Variants in PLEC observed in about 807,000 individuals in gnomAD.
PLEC encodes plectin.
Under a neutral mutation model 392.8 loss-of-function variants are expected in PLEC, and 216 were observed. The ratio of observed to expected loss-of-function variants is 0.55; its 90% CI spans 0.49 to 0.62. The LOEUF (loss-of-function observed/expected upper bound fraction) is 0.62, where lower values mean the gene tolerates loss of function less well. PLEC is among the 20% of genes least tolerant of loss of function. The pLI is 0.00. For synonymous variants in PLEC, 3,621 were observed against 2,980.6 expected (o/e 1.21, Z -7.00); for missense variants, 6,863 against 6,563.4 (o/e 1.05, Z -1.58).
In PLEC at chr8:143,916,990, C is replaced by T. The variant is rs782331003; in HGVS notation, c.12831G>A (p.Thr4277=). The T allele has an allele frequency of 2.5e-5, 41 of 1,612,842 alleles. No individual in the cohort carries two copies. The highest frequency in any genetic ancestry group is 1.5e-4 in the South Asian group (14 of 91,080). The change falls in exon 32 of 32, where the codon ACG becomes ACA. Residue 4277 remains threonine, a synonymous_variant. Coordinates refer to ENST00000345136, the MANE Select transcript of PLEC (RefSeq NM_201384.3). ...LASWSDPTEE[T]GPVAGILDTE... is the part of the protein sequence containing the mutation. Reference sequence around the variant, plus strand: ...TGTCCAGGATGCCAGCCACGGGGCCCGTCTCCTCAGTGGGGTCTGACCAGG... The same window carrying T: ...TGTCCAGGATGCCAGCCACGGGGCCTGTCTCCTCAGTGGGGTCTGACCAGG...
upstream of PLEC, chr8:143,942,500 C>T (rs782263693): frequency 2.1e-5 from 33 of 1,581,048 alleles, no homozygotes; most frequent in South Asian, 3.2e-4. Context: ...GCAAAGGCGC[C>T]CCCCGCCCCC....
At chr8:143,958,385 C>T (rs782570314), upstream of PLEC, among the ~76,000 whole-genome samples, 15 of 152,198 alleles carry the variant, frequency 9.9e-5, no homozygotes, top group Admixed American at 2.0e-4. The surrounding 1 kb of genome is among the most constrained non-coding windows in gnomAD (Gnocchi z 4.9). Flanking sequence ...CCCTGCAGCC[C>T]AGTACAAGAG....
intron 1 of PLEC, among the ~76,000 whole-genome samples, chr8:143,946,038 C>T (rs1175533345): frequency 6.6e-6 from 1 of 152,268 alleles, no homozygotes; most frequent in African/African-American, 2.4e-5. Context: ...AGCCCACTCC[C>T]TGCCACGTGC....
chr8:143,919,069 G>A lies in PLEC; in HGVS notation c.10752C>T (p.Thr3584=). 1.2e-6 allele frequency: 2 copies of A among 1,611,388 alleles called. No individual in the cohort carries two copies. Among genetic ancestry groups the A allele is most frequent in the South Asian group, 2.2e-5 (2 of 91,088 alleles). ...IPGGGSHGGS[T]MSLWEVMQSD... ...ACTGCATCACCTCCCACAGGGACAT[G>A]GTGGAGCCGCCGTGGCTGCCGCCGC... Residue 3584 remains threonine (T), a synonymous_variant, in exon 32 of 32, where the codon ACC becomes ACT. Transcript: ENST00000345136.
Position 143,922,601 on chromosome 8 carries a change from T to G in PLEC, c.7328A>C (p.His2443Pro). 6.2e-7 allele frequency: 1 copy of G among 1,613,658 alleles called. No individual in the cohort carries two copies. Among genetic ancestry groups the G allele is most frequent in the Non-Finnish European group, 8.5e-7 (1 of 1,179,986 alleles). ...TLEIQRQQSD[H>P]DAERLREAIA... is the part of the protein sequence containing the mutation. ...GGCCTCCCGCAGGCGCTCGGCATCA[T>G]GGTCACTCTGCTGTCGCTGGATCTC... Residue 2443 changes from histidine (H) to proline (P), a missense_variant, in exon 31 of 32, where the codon CAT (histidine) becomes CCT (proline). Physicochemically the swap from His to Pro is moderately conservative, Grantham distance 77. Transcript: ENST00000345136.
Position 143,921,922 on chromosome 8 carries a change from A to G in PLEC, c.7899T>C (p.Leu2633=). The G allele has an allele frequency of 6.3e-7, 1 of 1,599,600 alleles. No homozygotes were observed. The highest frequency in any genetic ancestry group is 1.1e-5 in the South Asian group (1 of 91,050). The change falls in exon 32 of 32, where the codon CTT becomes CTC. Residue 2633 remains leucine (L), a synonymous_variant. Transcript: ENST00000345136. The part of the protein sequence containing the change: ...TKTLPNGRDA[L]DGPAAEAEPE... The stretch of plus-strand genomic sequence containing the variant: ...GCTCTGCCTCTGCCGCGGGGCCATC[A>G]AGTGCATCCCGGCCATTGGGCAGGG...
upstream of PLEC, among the ~76,000 whole-genome samples, chr8:143,941,259 G>A (rs1188871211): frequency 1.3e-5 from 2 of 152,154 alleles, no homozygotes; most frequent in African/African-American, 4.8e-5. Context: ...GTGAGATCCC[G>A]GAACAGCCAG....
Position 143,922,593 on chromosome 8 carries a change from C to T in PLEC, c.7336G>A (p.Glu2446Lys), listed in dbSNP as rs376827900. 24 of 1,613,466 alleles carry T rather than the reference C, an allele frequency of 1.5e-5. No individual in the cohort carries two copies. The highest frequency in any genetic ancestry group is 6.6e-5 in the South Asian group (6 of 91,046). ...TCAGCGATGGCCTCCCGCAGGCGCT[C>T]GGCATCATGGTCACTCTGCTGTCGC... ...IQRQQSDHDA[E>K]RLREAIAELE... The change falls in exon 31 of 32, where the codon GAG (glutamate) becomes AAG (lysine). Residue 2446 changes from glutamate (E) to lysine (K), a missense_variant. Transcript: ENST00000345136.
intron 30 of PLEC, 102 bp from the exon 31 acceptor site, chr8:143,925,986 C>T: frequency 2.3e-6 from 3 of 1,313,718 alleles, no homozygotes; most frequent in Non-Finnish European, 3.2e-6. Flanking sequence ...CAGCGCGGAG[C>T]AGGGGTCGGG....
intron 1 of PLEC, among the ~76,000 whole-genome samples, chr8:143,947,681 C>T (rs185697044): frequency 1.7e-4 from 26 of 152,294 alleles, no homozygotes; most frequent in Middle Eastern, 3.4e-3. Context: ...ACCCGGGAGG[C>T]GGAGGTTGCA....
upstream of PLEC, chr8:143,975,299 C>T (rs781952574): frequency 2.5e-6 from 4 of 1,610,100 alleles, no homozygotes; most frequent in South Asian, 1.1e-5. This position sits in a 1 kb window ranked among gnomAD's most constrained non-coding sequence, Gnocchi z 9.9. Flanking sequence ...GTCCCCAGGG[C>T]TGGGCGAGCC....
chr8:143,962,856 T>G (rs1832930475), intron 1 of PLEC, among the ~76,000 whole-genome samples: 2 of 152,096 alleles, frequency 1.3e-5, no homozygotes, highest in Admixed American at 1.3e-4. Flanking sequence ...AAGAGATAAA[T>G]TGAGGAAGGA....
Position 143,922,932 on chromosome 8 carries a change from G to C in PLEC, c.6997C>G (p.Gln2333Glu). The C allele has an allele frequency of 6.2e-7, 1 of 1,605,136 alleles. No individual in the cohort carries two copies. Among genetic ancestry groups the C allele is most frequent in the Non-Finnish European group, 8.5e-7 (1 of 1,176,252 alleles). Residue 2333 changes from glutamine to glutamate, a missense_variant, in exon 31 of 32, where the codon CAG becomes GAG. By Grantham distance (29) the Gln-to-Glu change is conservative. Transcript: ENST00000345136. ...TRLKAEAELL[Q>E]QQKELAQEQA... ...TCCTGCGCAAGCTCCTTCTGCTGCT[G>C]CAGCAGTTCCGCCTCAGCCTTGAGT...
chr8:143,948,587 C>T (rs1831771087), intron 1 of PLEC, among the ~76,000 whole-genome samples: 1 of 152,250 alleles, frequency 6.6e-6, no homozygotes, highest in Non-Finnish European at 1.5e-5. Flanking sequence ...GGAGCTGTGG[C>T]TCGCTTCCTG....
intron 1 of PLEC, among the ~76,000 whole-genome samples, chr8:143,959,738 T>C (rs1554740206): frequency 6.6e-6 from 1 of 152,266 alleles, no homozygotes; most frequent in East Asian, 1.9e-4. Flanking sequence ...GGCTCACGCC[T>C]GTAATCCCAG....
In PLEC at chr8:143,924,485, C is replaced by T. The variant is rs782213742; in HGVS notation, c.5444G>A (p.Arg1815Gln). 6.8e-5 allele frequency: 105 copies of T among 1,543,536 alleles called. No homozygotes were observed. Among genetic ancestry groups the T allele is most frequent in the Non-Finnish European group, 8.7e-5 (100 of 1,152,858 alleles). The part of the protein sequence containing the change: ...RLRALAEEAK[R>Q]QRQLAEEDAA... Reference sequence around the variant, plus strand: ...GTCTTCCTCGGCCAGCTGCCGCTGCCGCTTGGCCTCTTCCGCCAGGGCACG... The same window carrying T: ...GTCTTCCTCGGCCAGCTGCCGCTGCTGCTTGGCCTCTTCCGCCAGGGCACG... Residue 1815 changes from arginine to glutamine, a missense_variant, in exon 31 of 32, where the codon CGG (arginine) becomes CAG (glutamine). By Grantham distance (43) the Arg-to-Gln change is conservative. Transcript: ENST00000345136.
intron 1 of PLEC, among the ~76,000 whole-genome samples, chr8:143,964,459 C>A (rs975006919): frequency 2.0e-5 from 3 of 152,092 alleles, no homozygotes; most frequent in East Asian, 3.8e-4. Flanking sequence ...GGATGGAGGC[C>A]GACACTGGAG....
At chr8:143,932,330 C>T in intron 16 of PLEC, 70 bp downstream of exon 16, 2 of 1,609,296 alleles carry the variant, frequency 1.2e-6, no homozygotes, top group African/African-American at 1.3e-5. Context: ...TGGTCTCTGA[C>T]CATAGGGGAC....
Position 143,927,717 on chromosome 8 carries a change from C to T in PLEC, c.3449G>A (p.Arg1150Gln), listed in dbSNP as rs782638887. ...EAQQPTFDAL[R>Q]DELRGAQEVG... ...CTCCTGTGCCCCCCGCAGCTCATCC[C>T]GCAGGGCGTCGAACGTGGGCTGCTG... Residue 1150 changes from arginine (R) to glutamine (Q), a missense_variant, in exon 27 of 32, where the codon CGG (arginine) becomes CAG (glutamine). Coordinates refer to ENST00000345136, the MANE Select transcript of PLEC (RefSeq NM_201384.3). 5.1e-5 allele frequency: 81 copies of T among 1,590,858 alleles called. No individual in the cohort carries two copies. Among genetic ancestry groups the T allele is most frequent in the Admixed American group, 3.9e-4 (23 of 58,416 alleles).
Sources: allele counts gnomAD v4.1 joint callset (sites outside exome capture counted in the v4.1 genomes callset), GRCh38; gene constraint gnomAD v4.1.1; non-coding constraint Gnocchi (gnomAD v3.1); transcripts MANE v1.5; gene names NCBI Gene and HGNC (gene_info 2026-07-23, HGNC 2026-07-21).